FCER1A: variants seen among roughly 807,000 people sequenced by gnomAD.
The protein encoded by FCER1A is Fc epsilon receptor Ia.
A neutral mutation model predicts 23.6 loss-of-function variants in FCER1A; 24 were observed. The ratio of observed to expected loss-of-function variants is 1.02; its 90% CI spans 0.74 to 1.43. FCER1A has a LOEUF of 1.43. Among genes scored for constraint, FCER1A ranks in the 40% most tolerant of loss-of-function variants. FCER1A has a pLI of 0.00. For synonymous variants in FCER1A, 121 were observed against 108.8 expected (o/e 1.11, Z -0.70); for missense variants, 318 against 294.5 (o/e 1.08, Z -0.58).
intron 1 of FCER1A, among the ~76,000 whole-genome samples, chr1:159,290,706 G>T (rs1340737308): frequency 6.6e-6 from 1 of 152,172 alleles, no homozygotes; most frequent in African/African-American, 2.4e-5. Context: ...ATTCCTGTGA[G>T]TATTAAATAG....
intron 3 of FCER1A, among the ~76,000 whole-genome samples, chr1:159,304,843 G>C (rs1652551483): frequency 6.6e-6 from 1 of 152,022 alleles, no homozygotes; most frequent in Non-Finnish European, 1.5e-5. Context: ...CAAAAGGTTT[G>C]ACTTAAAGTT....
chr1:159,302,384 C>T lies in FCER1A; in HGVS notation c.20C>T (p.Ser7Phe), dbSNP rs557521303. 14 of 1,611,266 alleles carry T rather than the reference C, an allele frequency of 8.7e-6. No homozygotes were observed. In the South Asian group the frequency reaches 1.4e-4, roughly 16 times the overall value. Residue 7 changes from serine to phenylalanine, a missense_variant, in exon 1 of 5, where the codon TCC becomes TTC. Physicochemically the swap from Ser to Phe is radical, Grantham distance 155. Coordinates refer to ENST00000693622, the MANE Select transcript of FCER1A (RefSeq NM_001387280.1). The stretch of plus-strand genomic sequence containing the variant: ...AAGAAGATGGCTCCTGCCATGGAAT[C>T]CCCTACTCTACTGTGTGTAGCCTTA... MAPAMESPTLLCVALLF... is the reference protein window; with the variant it reads MAPAMEFPTLLCVALLF...
intron 4 of FCER1A, 27 bp downstream of exon 4, chr1:159,306,272 A>G (rs1652612221): frequency 1.2e-6 from 2 of 1,606,792 alleles, no homozygotes; most frequent in African/African-American, 1.3e-5. Context: ...AAGGAAAAGC[A>G]TCCATAGCAG....
rs778581834 is a variant in FCER1A at position 159,304,030 on chromosome 1, G to A, written c.179G>A (p.Ser60Asn). Residue 60 changes from serine (S) to asparagine (N), a missense_variant, in exon 3 of 5, where the codon AGT (serine) becomes AAT (asparagine). Ser to Asn is a conservative substitution (Grantham distance 46). Coordinates refer to ENST00000693622, the MANE Select transcript of FCER1A (RefSeq NM_001387280.1). ...TCNGNNFFEV[S>N]STKWFHNGSL... is the part of the protein sequence containing the mutation. ...AATGGGAACAATTTCTTTGAAGTCA[G>A]TTCCACCAAATGGTTCCACAATGGC... 4 of 1,614,118 alleles carry A rather than the reference G, an allele frequency of 2.5e-6. No homozygotes were observed. The East Asian group carries it at 6.7e-5, about 27-fold the overall frequency.
upstream of FCER1A, among the ~76,000 whole-genome samples, chr1:159,300,264 C>T (rs960593645): frequency 2.6e-5 from 4 of 152,066 alleles, no homozygotes; most frequent in South Asian, 2.1e-4. Context: ...ATTTAGATAA[C>T]GACTTCAGAG....
At chr1:159,297,218 G>A (rs1033289670) in intron 1 of FCER1A, among the ~76,000 whole-genome samples, 10 of 152,078 alleles carry the variant, frequency 6.6e-5, no homozygotes, top group South Asian at 6.2e-4. Flanking sequence ...ACTTCCTAAC[G>A]CCACTTCTGC....
chr1:159,306,307 C>A (rs1394645142), intron 4 of FCER1A, 62 bp downstream of exon 4: 26 of 1,550,330 alleles, frequency 1.7e-5, no homozygotes, highest in Admixed American at 1.1e-4. Context: ...AACTTCTGAG[C>A]CTGAGCAGTT....
Position 159,291,324 on chromosome 1 carries a change from T to G in FCER1A, c.-60+1571T>G, listed in dbSNP as rs149180987. 6.6e-5 allele frequency among the ~76,000 whole-genome samples: 10 copies of G among 152,308 alleles called. No individual in the cohort carries two copies. In the East Asian group the frequency reaches 1.7e-3, roughly 26 times the overall value. On this transcript the variant is annotated intron_variant, in intron 1 of 5. Transcript: ENST00000368115. ...GTCCTAGATTTACTGTTAATTTTAT[T>G]TATTACAAATTTAACATATCTTTTT...
At chr1:159,291,872 A>T (rs1652161272) in intron 1 of FCER1A, among the ~76,000 whole-genome samples, 1 of 152,050 alleles carries the variant, frequency 6.6e-6, no homozygotes, top group Non-Finnish European at 1.5e-5. Context: ...AAGTCCCAAA[A>T]ACTTCCATAT....
At chr1:159,304,232 C>T (rs577737928) in intron 3 of FCER1A, 50 bp downstream of exon 3, 8 of 1,565,852 alleles carry the variant, frequency 5.1e-6, no homozygotes, top group East Asian at 4.5e-5. Context: ...AGGGATGGCT[C>T]ATCTGAAGAT....
intron 2 of FCER1A, among the ~76,000 whole-genome samples, chr1:159,303,628 T>G (rs1171201094): frequency 6.6e-6 from 1 of 152,244 alleles, no homozygotes; most frequent in African/African-American, 2.4e-5. Context: ...TTACAGATAC[T>G]GAATTGAAAT....
chr1:159,289,016 TAA>T (rs1378492890), upstream of FCER1A, among the ~76,000 whole-genome samples: 1 of 152,212 alleles, frequency 6.6e-6, no homozygotes, highest in Non-Finnish European at 1.5e-5. Context: ...AGACTTATGA[TAA>T]AAACTCATTA....
In FCER1A at chr1:159,306,006, C is replaced by T. The variant is rs566735573; in HGVS notation, c.350C>T (p.Ala117Val). The T allele has an allele frequency of 5.6e-6, 9 of 1,613,650 alleles. No homozygotes were observed. In the South Asian group the frequency reaches 7.7e-5, roughly 14 times the overall value. Reference protein sequence around the residue: ...EVFSDWLLLQASAEVVMEGQP... With the variant: ...EVFSDWLLLQVSAEVVMEGQP... ...TCTTCAGACTGGCTGCTCCTTCAGG[C>T]CTCTGCTGAGGTGGTGATGGAGGGC... Residue 117 changes from alanine to valine, a missense_variant, in exon 4 of 5, where the codon GCC becomes GTC. Coordinates refer to ENST00000693622, the MANE Select transcript of FCER1A (RefSeq NM_001387280.1).
upstream of FCER1A, chr1:159,302,199 G>T (rs568005245): frequency 1.2e-5 from 8 of 660,414 alleles, no homozygotes; most frequent in South Asian, 1.3e-4. Context: ...GCCCAGTTGG[G>T]CACCATCCTG....
At chr1:159,299,427 A>G (rs905856966), upstream of FCER1A, among the ~76,000 whole-genome samples, 1 of 152,178 alleles carries the variant, frequency 6.6e-6, no homozygotes, top group Non-Finnish European at 1.5e-5. Context: ...CCGAAACACA[A>G]AAGTTCCTGC....
chr1:159,305,537 A>G lies in FCER1A; in HGVS notation c.332-451A>G, dbSNP rs1347174723. 2.0e-5 allele frequency among the ~76,000 whole-genome samples: 3 copies of G among 152,236 alleles called. No homozygotes were observed. In the South Asian group the frequency reaches 6.2e-4, roughly 32 times the overall value. The stretch of plus-strand genomic sequence containing the variant: ...ATTACATAAGTAATTAATTTAAATT[A>G]TACATGTTTTGAAGAAGTTTTTTTT... On this transcript the variant is annotated intron_variant, in intron 3 of 4. Transcript: ENST00000693622.
At chr1:159,286,547 T>C (rs968267672), upstream of FCER1A, among the ~76,000 whole-genome samples, 1 of 152,168 alleles carries the variant, frequency 6.6e-6, no homozygotes. Context: ...TTAGCCAGGA[T>C]GGTCTCGATC....
intron 1 of FCER1A, among the ~76,000 whole-genome samples, chr1:159,290,102 C>T (rs1208563842): frequency 1.3e-5 from 2 of 152,146 alleles, no homozygotes; most frequent in Non-Finnish European, 2.9e-5. Context: ...ATGTCCCATG[C>T]ATCTGCACAG....
chr1:159,293,721 A>T (rs1265021512), intron 1 of FCER1A, among the ~76,000 whole-genome samples: 3 of 151,764 alleles, frequency 2.0e-5, no homozygotes. Flanking sequence ...AAGGACATGA[A>T]CTCATCACTT....
Sources: gnomAD v4.1 joint callset for allele counts (sites outside exome capture counted in the v4.1 genomes callset) on GRCh38, gnomAD v4.1.1 for gene constraint, MANE v1.5 for transcripts, NCBI Gene and HGNC (gene_info 2026-07-23, HGNC 2026-07-21) for gene names.